The following PTPN14 variants were observed in gnomAD, a reference collection of about 807,000 sequenced individuals.
PTPN14 encodes protein tyrosine phosphatase non-receptor type 14.
PTPN14 carries 53 observed loss-of-function variants against 126.8 expected under a neutral mutation model. The ratio of observed to expected loss-of-function variants is 0.42; its 90% CI spans 0.34 to 0.53. The LOEUF (loss-of-function observed/expected upper bound fraction) is 0.53. Among genes scored for constraint, PTPN14 ranks in the 20% least tolerant of loss-of-function variants. PTPN14 has a pLI of 0.08. For synonymous variants in PTPN14, 630 were observed against 599.3 expected, an observed-to-expected ratio of 1.05 and a Z score of -0.75; for missense variants, 1,257 against 1,552.9, an observed-to-expected ratio of 0.81 and a Z score of 3.20.
chr1:214,423,781 G>A (rs538528402), intron 3 of PTPN14, among the ~76,000 whole-genome samples: 4 of 152,110 alleles, frequency 2.6e-5, no homozygotes, highest in Non-Finnish European at 5.9e-5. Flanking sequence ...AGGAGTTCAA[G>A]ACCAGCTTGG....
At chr1:214,540,877 C>A (rs982737991) in intron 1 of PTPN14, among the ~76,000 whole-genome samples, 8 of 152,042 alleles carry the variant, frequency 5.3e-5, no homozygotes, top group African/African-American at 1.9e-4. Context: ...ATATTGAACC[C>A]AAGAAATATT....
chr1:214,526,086 C>T (rs942483779), intron 1 of PTPN14, among the ~76,000 whole-genome samples: 12 of 151,904 alleles, frequency 7.9e-5, no homozygotes, highest in Admixed American at 7.2e-4. Flanking sequence ...CTGCCTCAGC[C>T]TCCTGGGTAG....
At chr1:214,380,796 A>C (rs898294708) in intron 13 of PTPN14, among the ~76,000 whole-genome samples, 1 of 152,208 alleles carries the variant, frequency 6.6e-6, no homozygotes, top group Non-Finnish European at 1.5e-5. Flanking sequence ...GATGTTGCTT[A>C]GGCTATGGGG....
At chr1:214,448,452 G>A (rs1434114596) in intron 3 of PTPN14, among the ~76,000 whole-genome samples, 1 of 147,964 alleles carries the variant, frequency 6.8e-6, no homozygotes, top group African/African-American at 2.5e-5. Context: ...CACCATGTTA[G>A]CCAGGATGGT....
chr1:214,415,385 T>C (rs1571985736), intron 3 of PTPN14, among the ~76,000 whole-genome samples: 1 of 152,190 alleles, frequency 6.6e-6, no homozygotes, highest in Non-Finnish European at 1.5e-5. Context: ...ACCAATAAAA[T>C]AGCCCTCTTA....
rs1657779887 is a variant in PTPN14, at chr1:214,354,842, A to T, written c.*3080T>A. 6.6e-6 allele frequency: 1 copy of T among 152,218 alleles called. No individual in the cohort carries two copies. Among genetic ancestry groups the T allele is most frequent in the African/African-American group, 2.4e-5 (1 of 41,466 alleles). 9.4% of individuals were successfully genotyped at this position (152,218 alleles called of 1,614,324 possible). Reference sequence around the variant, plus strand: ...TAGACACTGACAGCTCCAGCTTCAGACTTGATACATCATCAGGAAATCATT... The same window carrying T: ...TAGACACTGACAGCTCCAGCTTCAGTCTTGATACATCATCAGGAAATCATT... On this transcript the variant is annotated 3_prime_UTR_variant, in exon 19 of 19. Transcript: ENST00000366956.
intron 6 of PTPN14, among the ~76,000 whole-genome samples, chr1:214,402,092 G>A (rs1361818209): frequency 6.6e-6 from 1 of 151,476 alleles, no homozygotes; most frequent in Non-Finnish European, 1.5e-5. Flanking sequence ...TCTCCCATCT[G>A]GGAGAAATCT....
chr1:214,452,652 G>C (rs1407820635), intron 2 of PTPN14, among the ~76,000 whole-genome samples: 1 of 152,176 alleles, frequency 6.6e-6, no homozygotes, highest in African/African-American at 2.4e-5. Context: ...GGATTTGTTA[G>C]ATGAAAGTGA....
intron 3 of PTPN14, among the ~76,000 whole-genome samples, chr1:214,424,737 T>C (rs1436955644): frequency 6.6e-6 from 1 of 152,142 alleles, no homozygotes; most frequent in African/African-American, 2.4e-5. Flanking sequence ...TTAGTACAGA[T>C]GCAGTTTTGC....
At chr1:214,438,503 T>G (rs1046302055) in intron 3 of PTPN14, among the ~76,000 whole-genome samples, 4 of 152,210 alleles carry the variant, frequency 2.6e-5, no homozygotes, top group African/African-American at 9.6e-5. Context: ...TAGGGACAAA[T>G]TTGAAGTTAT....
At chr1:214,471,646 G>A (rs10159464) in intron 1 of PTPN14, among the ~76,000 whole-genome samples, 13,776 of 152,150 alleles carry the variant, frequency 0.091, 639 homozygotes, top group South Asian at 0.12. Context: ...GGGGTGAGGT[G>A]GCAAAGCATA....
intron 1 of PTPN14, among the ~76,000 whole-genome samples, chr1:214,490,164 T>C (rs1189124906): frequency 6.6e-6 from 1 of 152,158 alleles, no homozygotes; most frequent in African/African-American, 2.4e-5. Flanking sequence ...TGGAATCACT[T>C]CGTCAACCAA....
chr1:214,408,569 G>C (rs116692300), intron 5 of PTPN14, among the ~76,000 whole-genome samples: 2,605 of 152,292 alleles, frequency 0.017, 82 homozygotes, highest in African/African-American at 0.059. Context: ...TGACAGTGAA[G>C]AAGACAGGGT....
chr1:214,500,026 G>A (rs1354692859), intron 1 of PTPN14, among the ~76,000 whole-genome samples: 1 of 151,460 alleles, frequency 6.6e-6, no homozygotes, highest in African/African-American at 2.4e-5. Flanking sequence ...ATGAGAAAAT[G>A]TCACACATTG....
intron 3 of PTPN14, among the ~76,000 whole-genome samples, chr1:214,437,724 A>G (rs768801504): frequency 6.6e-6 from 1 of 152,172 alleles, no homozygotes; most frequent in Non-Finnish European, 1.5e-5. Flanking sequence ...TCTATTCTCT[A>G]AATTCCTCAG....
intron 16 of PTPN14, among the ~76,000 whole-genome samples, chr1:214,371,054 G>A (rs1352140172): frequency 6.6e-6 from 1 of 152,070 alleles, no homozygotes; most frequent in African/African-American, 2.4e-5. Context: ...TTACATTTCT[G>A]CTGAGTGTCT....
At chr1:214,521,160 A>C (rs561617038) in intron 1 of PTPN14, among the ~76,000 whole-genome samples, 31 of 152,224 alleles carry the variant, frequency 2.0e-4, no homozygotes, top group African/African-American at 7.2e-4. Context: ...AAAACACATG[A>C]ATCAGTGAGA....
chr1:214,488,925 C>T (rs1661172614), intron 1 of PTPN14, among the ~76,000 whole-genome samples: 1 of 152,224 alleles, frequency 6.6e-6, no homozygotes, highest in Non-Finnish European at 1.5e-5. Flanking sequence ...GAACTTGTCA[C>T]CGCTTCTCGA....
At chr1:214,490,880 GAGGGA>G (rs1268416490) in intron 1 of PTPN14, among the ~76,000 whole-genome samples, 431 of 16,500 alleles carry the variant, frequency 0.026, 63 homozygotes, top group African/African-American at 0.049. Context: ...GAGGGGAGGG[GAGGGA>G]AGGGGAGGGG....
Sources: allele counts gnomAD v4.1 joint callset (sites outside exome capture counted in the v4.1 genomes callset), GRCh38; gene constraint gnomAD v4.1.1; transcripts MANE v1.5; gene names NCBI Gene and HGNC (gene_info 2026-07-23, HGNC 2026-07-21).